BCL2L13: variants seen among roughly 807,000 people sequenced by gnomAD.
BCL2L13 encodes the protein bcl-2-like protein 13.
Under a neutral mutation model 25.8 loss-of-function variants are expected in BCL2L13, and 13 were observed. The observed-to-expected ratio is 0.50, with a 90% CI of 0.33 to 0.80. The LOEUF is 0.80. BCL2L13 is among the 30% of genes least tolerant of loss of function. The probability of loss-of-function intolerance (pLI) is 0.02; values close to 1 mark genes in which losing one functional copy is unlikely to be tolerated. For missense variants in BCL2L13, 504 were observed against 574.9 expected, an observed-to-expected ratio of 0.88 and a Z score of 1.26; for synonymous variants, 244 against 230.3, an observed-to-expected ratio of 1.06 and a Z score of -0.54.
upstream of BCL2L13, among the ~76,000 whole-genome samples, chr22:17,636,445 T>C (rs144171678): frequency 4.0e-3 from 600 of 151,736 alleles, 10 homozygotes; most frequent in African/African-American, 0.014. Flanking sequence ...TGAGGTATGA[T>C]TGTACCACTG....
intron 6 of BCL2L13, among the ~76,000 whole-genome samples, chr22:17,707,600 T>A (rs1408640722): frequency 6.6e-6 from 1 of 152,202 alleles, no homozygotes; most frequent in Non-Finnish European, 1.5e-5. Flanking sequence ...GTAGATGTTA[T>A]TCTAATGTAA....
intron 5 of BCL2L13, among the ~76,000 whole-genome samples, chr22:17,697,346 G>T (rs1244834047): frequency 2.6e-5 from 4 of 152,134 alleles, no homozygotes; most frequent in Non-Finnish European, 5.9e-5. Flanking sequence ...GCTGAGGCAG[G>T]AGAATTGCTT....
chr22:17,686,171 C>T (rs1019350599), intron 3 of BCL2L13, among the ~76,000 whole-genome samples: 5 of 151,848 alleles, frequency 3.3e-5, no homozygotes, highest in East Asian at 1.9e-4. Flanking sequence ...CAAATAATCC[C>T]GAGACCAGGT....
intron 3 of BCL2L13, among the ~76,000 whole-genome samples, chr22:17,686,507 CT>C (rs960835301): frequency 3.5e-4 from 35 of 100,170 alleles, no homozygotes; most frequent in African/African-American, 1.2e-3. Context: ...TTTTATATTT[CT>C]TTTTTTTTCT....
intron 1 of BCL2L13, among the ~76,000 whole-genome samples, chr22:17,648,775 G>T (rs1237129131): frequency 1.3e-5 from 2 of 152,038 alleles, no homozygotes; most frequent in Non-Finnish European, 2.9e-5. Flanking sequence ...ACACAATCAG[G>T]TTTTATAAGA....
intron 1 of BCL2L13, among the ~76,000 whole-genome samples, chr22:17,649,704 T>C (rs1186482040): frequency 6.8e-6 from 1 of 147,472 alleles, no homozygotes; most frequent in South Asian, 2.2e-4. Context: ...GGTTTCACCA[T>C]GTTGGCCAGG....
Position 17,692,954 on chromosome 22 carries a change from G to A in BCL2L13, c.387-3187G>A, listed in dbSNP as rs370444119. ...TTTCTTCCTCATTGAAATCTAGTGT[G>A]TATATTATACTTTCAGCACACTGGC... On this transcript the variant is annotated intron_variant, in intron 4 of 6. Transcript: ENST00000317582. Among the ~76,000 whole-genome samples the A allele has an allele frequency of 7.1e-4, 108 of 152,120 alleles. No homozygotes were observed. The South Asian group carries it at 0.018, about 25-fold the overall frequency.
Position 17,730,805 on chromosome 22 carries a change from T to C in BCL2L13, c.*3271T>C, listed in dbSNP as rs1601824878. 6.6e-6 allele frequency: 1 copy of C among 152,254 alleles called. No homozygotes were observed. The highest frequency in any genetic ancestry group is 1.9e-4 in the East Asian group (1 of 5,186). The allele number at this position is 152,254 out of a possible 1,614,324, so 9.4% of individuals were successfully genotyped here. ...CTCGTTTAACATCTCAGCGACATAC[T>C]GGATACCAGAATAATGTTTCCTCTT... On this transcript the variant is annotated 3_prime_UTR_variant, in exon 7 of 7. Transcript: ENST00000317582.
chr22:17,721,281 G>A (rs765150134), intron 6 of BCL2L13, among the ~76,000 whole-genome samples: 1 of 152,168 alleles, frequency 6.6e-6, no homozygotes, highest in Non-Finnish European at 1.5e-5. Context: ...CACAGTTCCT[G>A]TGGGGATTGT....
intron 6 of BCL2L13, among the ~76,000 whole-genome samples, chr22:17,720,770 G>C (rs1396436859): frequency 1.3e-5 from 2 of 151,670 alleles, no homozygotes; most frequent in Admixed American, 1.3e-4. Context: ...CCAAAATGTT[G>C]GGATTATAGG....
intron 1 of BCL2L13, among the ~76,000 whole-genome samples, chr22:17,646,710 A>G (rs1215108268): frequency 3.8e-5 from 4 of 106,308 alleles, no homozygotes; most frequent in Non-Finnish European, 7.0e-5. Context: ...ATCTTGAAAT[A>G]TCTGTCTTTT....
In BCL2L13 at chr22:17,646,138, T is replaced by C. The variant is rs2058463949; in HGVS notation, c.-51+7252T>C. Among the ~76,000 whole-genome samples, 2 of 151,564 alleles carry C rather than the reference T, an allele frequency of 1.3e-5. 1 individual carries two copies. The highest frequency in any genetic ancestry group is 4.9e-5 in the African/African-American group (2 of 40,844). The stretch of plus-strand genomic sequence containing the variant: ...CCACATGGGTACCAAGGGACAATTC[T>C]ACTTGAAACTTAATAGAGGAACAAA... On this transcript the variant is annotated intron_variant, in intron 1 of 6. Transcript: ENST00000317582.
chr22:17,706,516 C>A, intron 6 of BCL2L13: 1 of 254,294 alleles, frequency 3.9e-6, no homozygotes, highest in Non-Finnish European at 6.2e-6. Flanking sequence ...TTCTCTGTCT[C>A]ACAAAAATAA....
At position 17,730,597 on chromosome 22, in the gene BCL2L13, G is replaced by C. The variant is rs184564294; in HGVS notation, c.*3063G>C. The C allele has an allele frequency of 5.3e-5, 8 of 152,200 alleles. No homozygotes were observed. Among genetic ancestry groups the C allele is most frequent in the Admixed American group, 5.2e-4 (8 of 15,294 alleles). 9.4% of individuals were successfully genotyped at this position (152,200 alleles called of 1,614,324 possible). ...GAATTATTTTAAGAGATGTTTTATA[G>C]AAATAAAACGTTTTGTAGCTAAGAA... On this transcript the variant is annotated 3_prime_UTR_variant, in exon 7 of 7. Transcript: ENST00000317582.
chr22:17,691,025 T>C (rs944298641), intron 4 of BCL2L13, among the ~76,000 whole-genome samples: 3 of 151,992 alleles, frequency 2.0e-5, no homozygotes, highest in African/African-American at 7.2e-5. Flanking sequence ...TTTTTATTTA[T>C]TTATTTATTT....
At chr22:17,693,224 C>T (rs1259457298) in intron 4 of BCL2L13, among the ~76,000 whole-genome samples, 1 of 151,100 alleles carries the variant, frequency 6.6e-6, no homozygotes, top group African/African-American at 2.4e-5. Context: ...ATATTAAAAC[C>T]TAACATAATA....
intron 1 of BCL2L13, among the ~76,000 whole-genome samples, chr22:17,645,011 A>G (rs1024065806): frequency 5.4e-5 from 8 of 149,340 alleles, no homozygotes; most frequent in Non-Finnish European, 8.9e-5. Context: ...AGGTTTCACC[A>G]TGTTGGCCAG....
At chr22:17,722,472 C>A (rs1368414303) in intron 6 of BCL2L13, among the ~76,000 whole-genome samples, 2 of 150,844 alleles carry the variant, frequency 1.3e-5, no homozygotes, top group Admixed American at 1.3e-4. Context: ...GAACTCCTGG[C>A]CTCAAATGAT....
chr22:17,687,322 A>G (rs1240283127), intron 3 of BCL2L13, among the ~76,000 whole-genome samples: 3 of 36,480 alleles, frequency 8.2e-5, no homozygotes, highest in Non-Finnish European at 1.7e-4. Flanking sequence ...TTCAAGTTTT[A>G]TTTTATTTTT....
Sources: allele counts gnomAD v4.1 joint callset (sites outside exome capture counted in the v4.1 genomes callset), GRCh38; gene constraint gnomAD v4.1.1; transcripts MANE v1.5; gene names NCBI Gene and HGNC (gene_info 2026-07-23, HGNC 2026-07-21).